The following ITGB8 variants were observed in gnomAD, a reference collection of about 807,000 sequenced individuals.
The protein encoded by ITGB8 is integrin subunit beta 8, also known as integrin beta-8.
Under a neutral mutation model 89.5 loss-of-function variants are expected in ITGB8, and 30 were observed. The ratio of observed to expected loss-of-function variants is 0.34; its 90% CI spans 0.25 to 0.45. The LOEUF (loss-of-function observed/expected upper bound fraction) is 0.45. Ranked by LOEUF, ITGB8 falls within the 20% of genes least tolerant of loss-of-function variation. The pLI is 1.00. For synonymous variants in ITGB8, 335 were observed against 320.4 expected, an observed-to-expected ratio of 1.05 and a Z score of -0.49; for missense variants, 836 against 933.3, an observed-to-expected ratio of 0.90 and a Z score of 1.36.
At chr7:20,398,773 C>A in intron 8 of ITGB8, 87 bp from the exon 9 acceptor site, 2 of 954,142 alleles carry the variant, frequency 2.1e-6, no homozygotes, top group South Asian at 3.2e-5. Context: ...AAAATTAAAT[C>A]TATAATGATT....
chr7:20,398,406 A>T lies in ITGB8; in HGVS notation c.1147-454A>T, dbSNP rs998461460. ...TCGTTTTAGCTATCATGATAGTCTC[A>T]ATTGTTTGAAACAAAAATATTTCTT... On this transcript the variant is annotated intron_variant, in intron 8 of 13. Coordinates refer to ENST00000222573, the MANE Select transcript of ITGB8 (RefSeq NM_002214.3). 2.6e-5 allele frequency among the ~76,000 whole-genome samples: 4 copies of T among 152,174 alleles called. No homozygotes were observed. In the South Asian group the frequency reaches 8.3e-4, roughly 31 times the overall value.
intron 1 of ITGB8, among the ~76,000 whole-genome samples, chr7:20,347,415 A>G (rs1003585548): frequency 4.6e-5 from 7 of 152,338 alleles, no homozygotes; most frequent in African/African-American, 1.7e-4. Flanking sequence ...GAACGTTGTT[A>G]CATTAAAGCA....
chr7:20,399,711 C>T (rs10239311), intron 9 of ITGB8, among the ~76,000 whole-genome samples: 40,828 of 151,948 alleles, frequency 0.27, 5,905 homozygotes, highest in Non-Finnish European at 0.31. Context: ...GGAGTCTTTG[C>T]TGGGTGAAGT....
At chr7:20,390,591 T>G (rs183288543) in intron 6 of ITGB8, among the ~76,000 whole-genome samples, 5 of 152,208 alleles carry the variant, frequency 3.3e-5, no homozygotes, top group Admixed American at 3.3e-4. Context: ...ATAAAATATA[T>G]CATACAACAA....
At chr7:20,379,395 A>G in intron 4 of ITGB8, 98 bp downstream of exon 4, 1 of 726,524 alleles carries the variant, frequency 1.4e-6, no homozygotes, top group Non-Finnish European at 2.0e-6. Flanking sequence ...TTATATTTTT[A>G]TCTTATAAAA....
chr7:20,339,143 G>A (rs1214700121), intron 1 of ITGB8, among the ~76,000 whole-genome samples: 1 of 144,470 alleles, frequency 6.9e-6, no homozygotes, highest in Non-Finnish European at 1.5e-5. Flanking sequence ...AGTGAGCCGA[G>A]ATCGTGCCAT....
intron 1 of ITGB8, among the ~76,000 whole-genome samples, chr7:20,338,317 C>T (rs892669974): frequency 8.5e-5 from 13 of 152,140 alleles, no homozygotes; most frequent in African/African-American, 3.1e-4. Context: ...TAGGGGCAGA[C>T]TTGTCTACTA....
At position 20,391,418 on chromosome 7, in the gene ITGB8, G is replaced by C; in HGVS notation, c.976G>C (p.Gly326Arg). 6.3e-7 allele frequency: 1 copy of C among 1,595,410 alleles called. No individual in the cohort carries two copies. Among genetic ancestry groups the C allele is most frequent in the Non-Finnish European group, 8.6e-7 (1 of 1,168,952 alleles). ...KSTTMEHPSLGQLSEKLIDNN... is the reference protein window; with the variant it reads ...KSTTMEHPSLRQLSEKLIDNN... ...TTCATTACAGGAACACCCCTCACTA[G>C]GCCAACTTTCAGAGAAATTAATAGA... The change falls in exon 7 of 14, where the codon GGC (glycine) becomes CGC (arginine). Residue 326 changes from glycine to arginine, a missense_variant. By Grantham distance (125) the Gly-to-Arg change is moderately radical. Coordinates refer to ENST00000222573, the MANE Select transcript of ITGB8 (RefSeq NM_002214.3).
rs75021821 is a variant in ITGB8 at position 20,382,902 on chromosome 7, T to A, written c.960+1017T>A. Among the ~76,000 whole-genome samples, 681 of 152,352 alleles carry A rather than the reference T, an allele frequency of 4.5e-3. 38 individuals carry two copies. In the East Asian group the frequency reaches 0.11, roughly 25 times the overall value. On this transcript the variant is annotated intron_variant, in intron 6 of 13. Coordinates refer to ENST00000222573, the MANE Select transcript of ITGB8 (RefSeq NM_002214.3). Reference sequence around the variant, plus strand: ...TTGACCAGCTTGGTAAAGATTAATGTCATTTAAAAGAATAGAACGAAATGT... The same window carrying A: ...TTGACCAGCTTGGTAAAGATTAATGACATTTAAAAGAATAGAACGAAATGT...
chr7:20,370,768 G>T (rs1004392708), intron 3 of ITGB8, among the ~76,000 whole-genome samples: 1 of 151,984 alleles, frequency 6.6e-6, no homozygotes, highest in Non-Finnish European at 1.5e-5. Flanking sequence ...CTGCCACCAT[G>T]CCTGGCAAAT....
chr7:20,391,502 T>A lies in ITGB8; in HGVS notation c.1056+4T>A. ...AAAACAATTTCATTGGTATAAGGTA[T>A]GTTAACTCTGAAAATGTTAAAATTA... On this transcript the variant is annotated splice_donor_region_variant and intron_variant, in intron 7 of 13. Transcript: ENST00000222573. 6.9e-7 allele frequency: 1 copy of A among 1,450,612 alleles called. No individual in the cohort carries two copies. Among genetic ancestry groups the A allele is most frequent in the Non-Finnish European group, 9.4e-7 (1 of 1,060,040 alleles). The allele number at this position is 1,450,612 out of a possible 1,614,324, so 89.9% of individuals were successfully genotyped here. A position where few individuals can be genotyped will look rare whatever the true frequency, so the allele number is the denominator to read the frequency against.
chr7:20,381,949 C>A, intron 6 of ITGB8, 64 bp downstream of exon 6: 1 of 1,357,990 alleles, frequency 7.4e-7, no homozygotes, highest in Non-Finnish European at 1.0e-6. Context: ...TTTAAATTGG[C>A]AACTCAACTA....
At chr7:20,334,231 G>A (rs1016298460) in intron 1 of ITGB8, among the ~76,000 whole-genome samples, 9 of 152,096 alleles carry the variant, frequency 5.9e-5, no homozygotes, top group Non-Finnish European at 1.0e-4. Context: ...CTCTGGTGAA[G>A]ATTACCCACA....
intron 3 of ITGB8, among the ~76,000 whole-genome samples, chr7:20,372,576 ATAGGGG>A (rs1309215006): frequency 6.6e-6 from 1 of 152,152 alleles, no homozygotes; most frequent in Non-Finnish European, 1.5e-5. Flanking sequence ...CAGGGGAGAG[ATAGGGG>A]TTGGAGATAG....
chr7:20,404,394 T>G (rs926214542), intron 10 of ITGB8, among the ~76,000 whole-genome samples: 1 of 152,248 alleles, frequency 6.6e-6, no homozygotes, highest in Non-Finnish European at 1.5e-5. Flanking sequence ...GTGCCCTTCG[T>G]GCTTGTTAGC....
chr7:20,409,773 A>G lies in ITGB8; in HGVS notation c.2182A>G (p.Lys728Glu), dbSNP rs772257032. 1.2e-6 allele frequency: 2 copies of G among 1,613,130 alleles called. No individual in the cohort carries two copies. The highest frequency in any genetic ancestry group is 2.2e-5 in the East Asian group (1 of 44,824). ...SSSDYRVSAS[K>E]KDKLILQSVC... ...ATCAGATTACAGAGTGTCAGCCTCA[A>G]AAAAGGTCAGTGAATTCTAAAAAAG... The change falls in exon 13 of 14, where the codon AAA becomes GAA. Residue 728 changes from lysine to glutamate, a missense_variant. Physicochemically the swap from Lys to Glu is moderately conservative, Grantham distance 56. Coordinates refer to ENST00000222573, the MANE Select transcript of ITGB8 (RefSeq NM_002214.3).
At chr7:20,363,602 A>G in intron 1 of ITGB8, 35 bp from the exon 2 acceptor site, 1 of 1,239,396 alleles carries the variant, frequency 8.1e-7, no homozygotes. Flanking sequence ...TTCTATTTTG[A>G]GAGTAAATTA....
intron 1 of ITGB8, among the ~76,000 whole-genome samples, chr7:20,336,154 C>T (rs111774328): frequency 2.0e-5 from 3 of 151,984 alleles, no homozygotes; most frequent in Non-Finnish European, 2.9e-5. Context: ...TACAGGCACC[C>T]GCCACCACGC....
At chr7:20,338,179 A>G (rs1364591479) in intron 1 of ITGB8, among the ~76,000 whole-genome samples, 1 of 152,206 alleles carries the variant, frequency 6.6e-6, no homozygotes, top group Non-Finnish European at 1.5e-5. Context: ...TTATGCATAT[A>G]TATTTATCAA....
Sources: gnomAD v4.1 joint callset for allele counts (sites outside exome capture counted in the v4.1 genomes callset) on GRCh38, gnomAD v4.1.1 for gene constraint, MANE v1.5 for transcripts, NCBI Gene and HGNC (gene_info 2026-07-23, HGNC 2026-07-21) for gene names.